BCAR3: variants seen among roughly 807,000 people sequenced by gnomAD.
BCAR3 encodes the protein BCAR3 adaptor protein, NSP family member.
BCAR3 carries 37 observed loss-of-function variants against 80.1 expected under a neutral mutation model. The observed-to-expected ratio is 0.46, with a 90% CI of 0.36 to 0.61. The LOEUF (loss-of-function observed/expected upper bound fraction) is 0.61, where lower values mean the gene tolerates loss of function less well. BCAR3 is among the 20% of genes least tolerant of loss of function. The pLI is 0.00. For missense variants in BCAR3, 978 were observed against 1,068.2 expected (o/e 0.92, Z 1.18); for synonymous variants, 389 against 418.9 (o/e 0.93, Z 0.87).
At position 93,674,852 on chromosome 1, in the gene BCAR3, G is replaced by C; in HGVS notation, c.79C>G (p.Leu27Val). The C allele has an allele frequency of 6.2e-7, 1 of 1,600,510 alleles. No individual in the cohort carries two copies. Among genetic ancestry groups the C allele is most frequent in the Middle Eastern group, 1.7e-4 (1 of 6,012 alleles). Residue 27 changes from leucine (L) to valine (V), a missense_variant, in exon 2 of 12, where the codon CTT becomes GTT. Physicochemically the swap from Leu to Val is conservative, Grantham distance 32 (BLOSUM62 1). Transcript: ENST00000260502. ...HQFPLASSMD[L>V]LSSRSPLAEH... ...GCGAGAGGGGACCTGCTGCTCAGAA[G>C]GTCCATGGATGAGGCCAGGGGGAAC... is the stretch of plus-strand genomic sequence containing the variant.
chr1:93,839,032 G>A (rs993569353), intron 2 of BCAR3, among the ~76,000 whole-genome samples: 9 of 152,250 alleles, frequency 5.9e-5, no homozygotes, highest in African/African-American at 2.2e-4. Context: ...GCCAGGCGTG[G>A]TGGCTCACGC....
chr1:93,758,862 C>T (rs1651835686), intron 2 of BCAR3, among the ~76,000 whole-genome samples: 1 of 152,130 alleles, frequency 6.6e-6, no homozygotes, highest in South Asian at 2.1e-4. Context: ...TGTTAGAGAA[C>T]CGAATAGGAG....
Position 93,567,490 on chromosome 1 carries a change from C to G in BCAR3, c.2088G>C (p.Glu696Asp), listed in dbSNP as rs1673003355. 1 of 1,614,082 alleles carries G rather than the reference C, an allele frequency of 6.2e-7. No individual in the cohort carries two copies. The highest frequency in any genetic ancestry group is 8.5e-7 in the Non-Finnish European group (1 of 1,179,940). The change falls in exon 11 of 12, where the codon GAG (glutamate) becomes GAC (aspartate). Residue 696 changes from glutamate to aspartate, a missense_variant and splice_region_variant. Glu to Asp is a conservative substitution (Grantham distance 45, BLOSUM62 2). Coordinates refer to ENST00000260502, the MANE Select transcript of BCAR3 (RefSeq NM_003567.4). Reference protein sequence around the residue: ...PFSKLLHEGRESTCVPPNNVS... With the variant: ...PFSKLLHEGRDSTCVPPNNVS... ...CATTGTTTGGGGGAACACATGTGGA[C>G]TCTGAAGAATAAGGAGTAGAGTTTT... is the stretch of plus-strand genomic sequence containing the variant.
chr1:93,833,562 AG>A (rs1287796093), intron 2 of BCAR3, among the ~76,000 whole-genome samples: 1 of 152,148 alleles, frequency 6.6e-6, no homozygotes, highest in African/African-American at 2.4e-5. Context: ...TCATTTTAGA[AG>A]CCTCCCCTGG....
intron 2 of BCAR3, among the ~76,000 whole-genome samples, chr1:93,653,766 C>G (rs929561483): frequency 2.0e-5 from 3 of 152,156 alleles, no homozygotes; most frequent in Non-Finnish European, 4.4e-5. Context: ...TCAGTGGGGA[C>G]TTGTTTCAGT....
At position 93,668,702 on chromosome 1, in the gene BCAR3, C is replaced by CT. The variant is rs113398047; in HGVS notation, c.317+5911dup. Among the ~76,000 whole-genome samples, 342 of 143,944 alleles carry CT rather than the reference C, an allele frequency of 2.4e-3. 2 individuals are homozygous for CT. Among genetic ancestry groups the CT allele is most frequent in the African/African-American group, 4.2e-3 (167 of 39,304 alleles). 94.4% of individuals were successfully genotyped at this position (143,944 alleles called of 152,430 possible). A position where few individuals can be genotyped will look rare whatever the true frequency, so the allele number is the denominator to read the frequency against. ...ATAGAATCTATTAATCTAATAAAAGCTTTTTTTTTTTTCTTTTTTTTTTTC... is the reference window on the plus strand; with the variant it reads ...ATAGAATCTATTAATCTAATAAAAGCTTTTTTTTTTTTTCTTTTTTTTTTTC... On this transcript the variant is annotated intron_variant, in intron 2 of 11. Transcript: ENST00000260502.
In BCAR3 at chr1:93,562,073, C is replaced by A; in HGVS notation, c.*168G>T. 1 of 547,704 alleles carries A rather than the reference C, an allele frequency of 1.8e-6. No individual in the cohort carries two copies. 33.9% of individuals were successfully genotyped at this position (547,704 alleles called of 1,614,324 possible). On this transcript the variant is annotated 3_prime_UTR_variant, in exon 12 of 12. Transcript: ENST00000260502. Reference sequence around the variant, plus strand: ...AAATCAGTAGTAACTTTAGACAATTCATAAATAAGTGTGCTCTGTGCAATT... The same window carrying A: ...AAATCAGTAGTAACTTTAGACAATTAATAAATAAGTGTGCTCTGTGCAATT...
At chr1:93,835,283 A>C (rs1418938567) in intron 2 of BCAR3, among the ~76,000 whole-genome samples, 1 of 152,150 alleles carries the variant, frequency 6.6e-6, no homozygotes, top group Non-Finnish European at 1.5e-5. Context: ...TTTACTTCCA[A>C]AGGAAGCTGG....
intron 2 of BCAR3, among the ~76,000 whole-genome samples, chr1:93,828,241 T>G (rs1021426269): frequency 6.6e-6 from 1 of 152,102 alleles, no homozygotes; most frequent in Non-Finnish European, 1.5e-5. Flanking sequence ...GAGTTCAAGG[T>G]TGCAGTGGGC....
intron 2 of BCAR3, among the ~76,000 whole-genome samples, chr1:93,832,139 CT>C (rs1654588696): frequency 6.6e-6 from 1 of 152,208 alleles, no homozygotes; most frequent in African/African-American, 2.4e-5. Flanking sequence ...CATAACAGGA[CT>C]TGATTAACTT....
At chr1:93,718,365 G>C (rs1346102244) in intron 2 of BCAR3, among the ~76,000 whole-genome samples, 1 of 152,210 alleles carries the variant, frequency 6.6e-6, no homozygotes, top group Non-Finnish European at 1.5e-5. Context: ...AATGCAGCAG[G>C]GTGAGAAAGC....
rs570319855 is a variant in BCAR3, at chr1:93,577,448, C to T, written c.1687-1319G>A. On this transcript the variant is annotated intron_variant, in intron 7 of 11. Transcript: ENST00000260502. The stretch of plus-strand genomic sequence containing the variant: ...ATGAGCTCTCTAGTGGTAGACGCCA[C>T]GACAGGATGCAGAATTCCTACTGTG... 1.4e-4 allele frequency among the ~76,000 whole-genome samples: 22 copies of T among 152,272 alleles called. No homozygotes were observed. In the South Asian group the frequency reaches 3.1e-3, roughly 22 times the overall value.
chr1:93,601,078 T>C (rs6677770), intron 3 of BCAR3, among the ~76,000 whole-genome samples: 37,091 of 151,980 alleles, frequency 0.24, 5,723 homozygotes, highest in African/African-American at 0.43. Context: ...TCTCTATGCA[T>C]AAGGAGTGGG....
At chr1:93,845,863 G>A (rs147335024) in intron 1 of BCAR3, among the ~76,000 whole-genome samples, 2 of 152,106 alleles carry the variant, frequency 1.3e-5, no homozygotes, top group South Asian at 4.1e-4. Context: ...GGGGTCCAGG[G>A]AGCCAACTCA....
intron 3 of BCAR3, among the ~76,000 whole-genome samples, chr1:93,622,806 C>T (rs932523): frequency 0.43 from 65,406 of 152,082 alleles, 16,967 homozygotes; most frequent in Non-Finnish European, 0.58. Flanking sequence ...ATTTGCCCTT[C>T]CTGGTGCCAA....
chr1:93,621,933 G>A (rs1014430729), intron 3 of BCAR3, among the ~76,000 whole-genome samples: 2 of 152,146 alleles, frequency 1.3e-5, no homozygotes, highest in Non-Finnish European at 2.9e-5. Flanking sequence ...GGGCAGTGGC[G>A]CAATCTCAGC....
At chr1:93,777,306 T>A (rs1652585337) in intron 2 of BCAR3, among the ~76,000 whole-genome samples, 1 of 152,226 alleles carries the variant, frequency 6.6e-6, no homozygotes, top group East Asian at 1.9e-4. Context: ...ATACCCAGAA[T>A]TATTATTTAT....
intron 2 of BCAR3, among the ~76,000 whole-genome samples, chr1:93,814,311 T>C (rs998446425): frequency 3.3e-5 from 5 of 152,262 alleles, no homozygotes; most frequent in Non-Finnish European, 7.3e-5. Flanking sequence ...GAGTACGAAC[T>C]CTGACACTTC....
At chr1:93,612,359 T>G (rs751036702) in intron 3 of BCAR3, among the ~76,000 whole-genome samples, 4 of 151,062 alleles carry the variant, frequency 2.6e-5, no homozygotes, top group Admixed American at 6.6e-5. Context: ...GGTGGAGAGA[T>G]AGAGAGTGCA....
Sources: gnomAD v4.1 joint callset for allele counts (sites outside exome capture counted in the v4.1 genomes callset) on GRCh38, gnomAD v4.1.1 for gene constraint, MANE v1.5 for transcripts, NCBI Gene and HGNC (gene_info 2026-07-23, HGNC 2026-07-21) for gene names.